MTMR9: variants seen among roughly 807,000 people sequenced by gnomAD.
MTMR9 encodes myotubularin-related protein 9.
Under a neutral mutation model 69.5 loss-of-function variants are expected in MTMR9, and 39 were observed. The ratio of observed to expected loss-of-function variants is 0.56; its 90% CI spans 0.43 to 0.73. The LOEUF (loss-of-function observed/expected upper bound fraction) is 0.73. Ranked by LOEUF, MTMR9 falls within the 30% of genes least tolerant of loss-of-function variation. MTMR9 has a pLI of 0.00. For missense variants in MTMR9, 900 were observed against 671.2 expected, an observed-to-expected ratio of 1.34 and a Z score of -3.77; for synonymous variants, 354 against 240.8, an observed-to-expected ratio of 1.47 and a Z score of -4.35.
At position 11,316,516 on chromosome 8, in the gene MTMR9, A is replaced by T. The variant is rs545625804; in HGVS notation, c.1114-157A>T. 5.4e-4 allele frequency: 251 copies of T among 462,146 alleles called. 6 individuals are homozygous for T. In the East Asian group the frequency reaches 8.0e-3, roughly 15 times the overall value. 28.6% of individuals were successfully genotyped at this position (462,146 alleles called of 1,614,324 possible). A position where few individuals can be genotyped will look rare whatever the true frequency, so the allele number is the denominator to read the frequency against. ...CTTAGTTGCTGCCGCTATTTATTTT[A>T]TACCAAGAAATCATTAATCTGTACA... On this transcript the variant is annotated intron_variant, in intron 7 of 9. Coordinates refer to ENST00000221086, the MANE Select transcript of MTMR9 (RefSeq NM_015458.4).
intron 2 of MTMR9, chr8:11,298,759 A>G (rs555950735): frequency 6.4e-6 from 6 of 942,292 alleles, no homozygotes; most frequent in East Asian, 1.4e-4. Context: ...ACTTTTTTCC[A>G]TAATCCCCCT....
chr8:11,305,279 T>C (rs1404644348), intron 4 of MTMR9, among the ~76,000 whole-genome samples: 2 of 152,206 alleles, frequency 1.3e-5, no homozygotes, highest in African/African-American at 4.8e-5. Context: ...CAAAGGAAAC[T>C]AGTGTTTATT....
intron 2 of MTMR9, among the ~76,000 whole-genome samples, chr8:11,299,383 T>A (rs1044083890): frequency 6.6e-6 from 1 of 152,216 alleles, no homozygotes; most frequent in Non-Finnish European, 1.5e-5. Context: ...GTTCTAAGCC[T>A]TTTACACACA....
intron 1 of MTMR9, among the ~76,000 whole-genome samples, chr8:11,286,211 C>T (rs1242125439): frequency 6.6e-6 from 1 of 151,798 alleles, no homozygotes; most frequent in African/African-American, 2.4e-5. Context: ...CTAGGCCTCC[C>T]ACAGTTCTGG....
chr8:11,296,478 C>G (rs1799567503), intron 2 of MTMR9, among the ~76,000 whole-genome samples: 2 of 152,182 alleles, frequency 1.3e-5, no homozygotes, highest in South Asian at 4.1e-4. Context: ...TGTTGTGCAG[C>G]AGATCTCCAG....
chr8:11,299,951 T>A (rs3808513), intron 2 of MTMR9, 72 bp from the exon 3 acceptor site: 5 of 1,541,228 alleles, frequency 3.2e-6, no homozygotes, highest in Middle Eastern at 1.7e-4. Context: ...TGCTTAATAC[T>A]AATTTGTCAG....
In MTMR9 at chr8:11,293,135, GC is replaced by G. The variant is rs574531623; in HGVS notation, c.183-2058del. Among the ~76,000 whole-genome samples the G allele has an allele frequency of 1.5e-4, 23 of 152,282 alleles. No individual in the cohort carries two copies. The East Asian group carries it at 3.1e-3, about 20-fold the overall frequency. On this transcript the variant is annotated intron_variant, in intron 1 of 9. Coordinates refer to ENST00000221086, the MANE Select transcript of MTMR9 (RefSeq NM_015458.4). Reference sequence around the variant, plus strand: ...TTTCCCCTGAAGACCTTCCAGTGGGGCAAGATGTGGAGATGGAAGACAGTGA... The same window carrying G: ...TTTCCCCTGAAGACCTTCCAGTGGGGAAGATGTGGAGATGGAAGACAGTGA...
At chr8:11,313,236 C>T (rs1800277143) in intron 6 of MTMR9, among the ~76,000 whole-genome samples, 3 of 152,210 alleles carry the variant, frequency 2.0e-5, no homozygotes, top group South Asian at 4.1e-4. Flanking sequence ...CCTTACTTCT[C>T]TCAGCCTTCA....
chr8:11,287,443 CATTT>C (rs969354839), intron 1 of MTMR9, among the ~76,000 whole-genome samples: 3 of 151,996 alleles, frequency 2.0e-5, no homozygotes, highest in Non-Finnish European at 4.4e-5. Context: ...ACTGTACACA[CATTT>C]ATCCTTTTCC....
At chr8:11,288,435 AG>A (rs1799270389) in intron 1 of MTMR9, among the ~76,000 whole-genome samples, 1 of 150,284 alleles carries the variant, frequency 6.7e-6, no homozygotes, top group Non-Finnish European at 1.5e-5. Flanking sequence ...GAGCACTGGG[AG>A]GCAGTTTCCT....
chr8:11,285,905 G>A (rs1003315593), intron 1 of MTMR9, among the ~76,000 whole-genome samples: 1 of 149,676 alleles, frequency 6.7e-6, no homozygotes, highest in African/African-American at 2.5e-5. Flanking sequence ...AGGAAGATTC[G>A]TACAGAGGAT....
At chr8:11,288,848 C>G (rs1009357816) in intron 1 of MTMR9, among the ~76,000 whole-genome samples, 1 of 152,158 alleles carries the variant, frequency 6.6e-6, no homozygotes, top group Non-Finnish European at 1.5e-5. Flanking sequence ...AAGCAGCAGG[C>G]CCAGCTTGGA....
At chr8:11,317,070 A>G (rs1364860778) in intron 8 of MTMR9, 177 bp downstream of exon 8, 7 of 458,272 alleles carry the variant, frequency 1.5e-5, no homozygotes, top group Non-Finnish European at 2.7e-5. Context: ...TTATGAGAGC[A>G]TGTCCTAGAC....
rs541341783 is a variant in MTMR9 at position 11,309,214 on chromosome 8, T to C, written c.810-313T>C. ...GGAACAGGATTGCAAATGTAAGTGG[T>C]GCTGTGTCTCCTGACCTGTCATGAA... On this transcript the variant is annotated intron_variant, in intron 5 of 9. Transcript: ENST00000221086. 6.6e-5 allele frequency among the ~76,000 whole-genome samples: 10 copies of C among 152,276 alleles called. No individual in the cohort carries two copies. In the East Asian group the frequency reaches 1.5e-3, roughly 24 times the overall value.
At chr8:11,296,511 G>A (rs995264900) in intron 2 of MTMR9, among the ~76,000 whole-genome samples, 3 of 152,106 alleles carry the variant, frequency 2.0e-5, no homozygotes, top group Non-Finnish European at 2.9e-5. Context: ...TTGCAAGATC[G>A]AAACTCTGTG....
rs2117473922 is a variant in MTMR9, at chr8:11,324,744, C to T, written c.*1956C>T. The T allele has an allele frequency of 6.6e-6, 1 of 152,368 alleles. No homozygotes were observed. The highest frequency in any genetic ancestry group is 1.5e-5 in the Non-Finnish European group (1 of 68,098). 9.4% of individuals were successfully genotyped at this position (152,368 alleles called of 1,614,324 possible). A position where few individuals can be genotyped will look rare whatever the true frequency, so the allele number is the denominator to read the frequency against. ...TGGTGGTGTGTGCCTATAGTCCCAGCCACTAGGAAAGCTGAGGCAGAAGGA... is the reference window on the plus strand; with the variant it reads ...TGGTGGTGTGTGCCTATAGTCCCAGTCACTAGGAAAGCTGAGGCAGAAGGA... On this transcript the variant is annotated 3_prime_UTR_variant, in exon 10 of 10. Transcript: ENST00000221086.
the MTMR9 span, among the ~76,000 whole-genome samples, chr8:11,336,372 T>C: frequency 1.3e-5 from 2 of 152,226 alleles, no homozygotes; most frequent in Non-Finnish European, 1.5e-5. Context: ...CTATGACCCA[T>C]AGGCTGTGTC....
downstream of MTMR9, among the ~76,000 whole-genome samples, chr8:11,329,004 T>C (rs1240305682): frequency 6.6e-6 from 1 of 152,228 alleles, no homozygotes; most frequent in Non-Finnish European, 1.5e-5. Context: ...ATATGGATAT[T>C]CAGTTTTTCC....
chr8:11,316,947 C>A (rs1361887126), intron 8 of MTMR9, 54 bp downstream of exon 8: 12 of 1,210,394 alleles, frequency 9.9e-6, no homozygotes, highest in East Asian at 2.4e-5. Flanking sequence ...TTGGCTACTT[C>A]CTAAGTAGCC....
Sources: allele counts gnomAD v4.1 joint callset (sites outside exome capture counted in the v4.1 genomes callset), GRCh38; gene constraint gnomAD v4.1.1; transcripts MANE v1.5; gene names NCBI Gene and HGNC (gene_info 2026-07-23, HGNC 2026-07-21).